The following IQGAP2 variants were observed in gnomAD, a reference collection of about 807,000 sequenced individuals.
The protein encoded by IQGAP2 is ras GTPase-activating-like protein IQGAP2.
IQGAP2 carries 173 observed loss-of-function variants against 201.3 expected under a neutral mutation model. The observed-to-expected ratio is 0.86, with a 90% CI of 0.76 to 0.98. The LOEUF (loss-of-function observed/expected upper bound fraction) is 0.98. Ranked by LOEUF, IQGAP2 falls within the 50% of genes least tolerant of loss-of-function variation. IQGAP2 has a pLI of 0.00. For synonymous variants in IQGAP2, 675 were observed against 673.9 expected, an observed-to-expected ratio of 1.00 and a Z score of -0.03; for missense variants, 1,687 against 1,864.8, an observed-to-expected ratio of 0.90 and a Z score of 1.76.
At chr5:76,609,250 C>T in intron 12 of IQGAP2, 1 of 1,535,450 alleles carries the variant, frequency 6.5e-7, no homozygotes, top group Non-Finnish European at 8.7e-7. Context: ...ACAGCTTACC[C>T]AAGGGGGGTG....
chr5:76,536,618 G>T (rs1224943844), intron 2 of IQGAP2, among the ~76,000 whole-genome samples: 1 of 151,844 alleles, frequency 6.6e-6, no homozygotes, highest in African/African-American at 2.4e-5. Flanking sequence ...AATTAGCCAG[G>T]TGTGGTGGTG....
At chr5:76,445,079 T>A (rs1425725883) in intron 1 of IQGAP2, among the ~76,000 whole-genome samples, 2 of 152,156 alleles carry the variant, frequency 1.3e-5, no homozygotes, top group African/African-American at 4.8e-5. Flanking sequence ...ACTCAGTACA[T>A]CACGGTGAGG....
chr5:76,482,199 G>A (rs1755835037), intron 2 of IQGAP2, among the ~76,000 whole-genome samples: 1 of 152,206 alleles, frequency 6.6e-6, no homozygotes, highest in Non-Finnish European at 1.5e-5. Flanking sequence ...GTGGATGATA[G>A]CGTGGCATCT....
At chr5:76,561,884 C>T (rs1744398132) in intron 2 of IQGAP2, among the ~76,000 whole-genome samples, 1 of 152,178 alleles carries the variant, frequency 6.6e-6, no homozygotes, top group Admixed American at 6.5e-5. Flanking sequence ...GAAGCCTTGT[C>T]TGCTTCCTTA....
chr5:76,417,470 A>G (rs1751475166), intron 1 of IQGAP2, among the ~76,000 whole-genome samples: 1 of 152,008 alleles, frequency 6.6e-6, no homozygotes, highest in Non-Finnish European at 1.5e-5. Context: ...TTTTTAGTGG[A>G]GACAAGGTTT....
At chr5:76,572,832 G>A (rs1745209361) in intron 4 of IQGAP2, among the ~76,000 whole-genome samples, 1 of 152,184 alleles carries the variant, frequency 6.6e-6, no homozygotes, top group Non-Finnish European at 1.5e-5. Flanking sequence ...TGTGCCAGGT[G>A]TGCAGTGAAA....
intron 33 of IQGAP2, among the ~76,000 whole-genome samples, chr5:76,698,981 T>C (rs1376890083): frequency 6.6e-6 from 1 of 152,216 alleles, no homozygotes; most frequent in African/African-American, 2.4e-5. Context: ...GTTTTTGTGA[T>C]AAGAACACTT....
At chr5:76,600,245 A>C (rs182767003) in intron 10 of IQGAP2, among the ~76,000 whole-genome samples, 42 of 152,362 alleles carry the variant, frequency 2.8e-4, no homozygotes, top group Admixed American at 7.8e-4. Flanking sequence ...AGATTTCTTC[A>C]AATATCTTGA....
At chr5:76,496,751 TTC>T (rs1561416397) in intron 2 of IQGAP2, among the ~76,000 whole-genome samples, 1,038 of 72,868 alleles carry the variant, frequency 0.014, 68 homozygotes, top group African/African-American at 0.059. Context: ...CTTTCTTTCT[TTC>T]TTTCTTTCTT....
chr5:76,415,816 G>A (rs1751374317), intron 1 of IQGAP2, among the ~76,000 whole-genome samples: 1 of 152,056 alleles, frequency 6.6e-6, no homozygotes, highest in Admixed American at 6.5e-5. Context: ...ATGGTGGCAT[G>A]TGCCTGTAAT....
At chr5:76,509,049 GTGTGTGTGTA>G (rs1259664942) in intron 2 of IQGAP2, among the ~76,000 whole-genome samples, 2 of 150,648 alleles carry the variant, frequency 1.3e-5, no homozygotes, top group Admixed American at 6.7e-5. Flanking sequence ...GTGTGTGTGT[GTGTGTGTGTA>G]TGTATGTATG....
chr5:76,575,994 A>G (rs984408623), intron 5 of IQGAP2, among the ~76,000 whole-genome samples: 1 of 152,214 alleles, frequency 6.6e-6, no homozygotes, highest in African/African-American at 2.4e-5. Context: ...TCAAAATAGA[A>G]AACCAGAAAA....
At position 76,609,185 on chromosome 5, in the gene IQGAP2, C is replaced by T. The variant is rs543673976; in HGVS notation, c.1358-1835C>T. ...TGAAATGCACTCACTTCCAGGTGAT[C>T]GGCCTTGGTTCTGTTAAGACCATTT... On this transcript the variant is annotated intron_variant, in intron 12 of 35. Transcript: ENST00000274364. The T allele has an allele frequency of 2.5e-5, 39 of 1,535,802 alleles. No individual in the cohort carries two copies. In the South Asian group the frequency reaches 3.3e-4, roughly 13 times the overall value.
chr5:76,513,900 C>A (rs1234094148), intron 2 of IQGAP2, among the ~76,000 whole-genome samples: 2 of 152,040 alleles, frequency 1.3e-5, no homozygotes, highest in Non-Finnish European at 2.9e-5. Flanking sequence ...AACAAATGCT[C>A]CACACTAATG....
chr5:76,501,960 A>G (rs1757307190), intron 2 of IQGAP2, among the ~76,000 whole-genome samples: 1 of 151,972 alleles, frequency 6.6e-6, no homozygotes, highest in African/African-American at 2.4e-5. Context: ...CATTTTCTAC[A>G]GTTGTACAGT....
At position 76,698,122 on chromosome 5, in the gene IQGAP2, A is replaced by C; in HGVS notation, c.4342A>C (p.Thr1448Pro). ...QINYYDTYIK[T>P]CLDNLKRKNT... The stretch of plus-strand genomic sequence containing the variant: ...CAATTATTATGACACCTACATAAAG[A>C]CTTGTTTAGACAACTTAAAAAGAAA... The change falls in exon 33 of 36, where the codon ACT becomes CCT. Residue 1448 changes from threonine to proline, a missense_variant. Transcript: ENST00000274364. 1 of 1,598,934 alleles carries C rather than the reference A, an allele frequency of 6.3e-7. No individual in the cohort carries two copies. Among genetic ancestry groups the C allele is most frequent in the South Asian group, 1.1e-5 (1 of 89,256 alleles).
At chr5:76,524,072 TGTG>T (rs1758838790) in intron 2 of IQGAP2, among the ~76,000 whole-genome samples, 2 of 152,152 alleles carry the variant, frequency 1.3e-5, no homozygotes, top group Admixed American at 1.3e-4. Context: ...CTGTGAGATG[TGTG>T]CAAGCCTTGT....
At chr5:76,459,926 A>G (rs534517668) in intron 1 of IQGAP2, among the ~76,000 whole-genome samples, 8 of 152,322 alleles carry the variant, frequency 5.3e-5, no homozygotes, top group Non-Finnish European at 1.0e-4. Flanking sequence ...GGCGTGAGCC[A>G]CCGTGCCTGG....
Position 76,619,517 on chromosome 5 carries a change from T to C in IQGAP2, c.1522-7893T>C, listed in dbSNP as rs943848082. 5.3e-4 allele frequency among the ~76,000 whole-genome samples: 76 copies of C among 143,970 alleles called. 2 individuals carry two copies. The highest frequency in any genetic ancestry group is 1.5e-3 in the African/African-American group (58 of 38,658). 94.4% of individuals were successfully genotyped at this position (143,970 alleles called of 152,430 possible). A position where few individuals can be genotyped will look rare whatever the true frequency, so the allele number is the denominator to read the frequency against. On this transcript the variant is annotated intron_variant, in intron 13 of 35. Coordinates refer to ENST00000274364, the MANE Select transcript of IQGAP2 (RefSeq NM_006633.5). ...ATCTAACTTAGTTAAGGATCTTCTT[T>C]TTTTTTTTTTTTTTTTTTTGAGACA...
Sources: gnomAD v4.1 joint callset for allele counts (sites outside exome capture counted in the v4.1 genomes callset) on GRCh38, gnomAD v4.1.1 for gene constraint, MANE v1.5 for transcripts, NCBI Gene and HGNC (gene_info 2026-07-23, HGNC 2026-07-21) for gene names.